The following NRXN2 variants were observed in gnomAD, a reference collection of about 807,000 sequenced individuals.
NRXN2 encodes neurexin-2-beta.
NRXN2 carries 29 observed loss-of-function variants against 128.8 expected under a neutral mutation model. The ratio of observed to expected loss-of-function variants is 0.23; its 90% CI spans 0.17 to 0.31. The LOEUF (loss-of-function observed/expected upper bound fraction) is 0.31. Among genes scored for constraint, NRXN2 ranks in the 10% least tolerant of loss-of-function variants. The pLI, the probability that NRXN2 is intolerant of heterozygous loss-of-function variation, is 1.00. For synonymous variants in NRXN2, 1,098 were observed against 1,075.2 expected (o/e 1.02, Z -0.41); for missense variants, 1,881 against 2,452.6 (o/e 0.77, Z 4.92).
rs145840761 is a variant in NRXN2, at chr11:64,626,509, G to A, written c.3801C>T (p.Ile1267=). Residue 1267 remains isoleucine (I), a synonymous_variant, in exon 20 of 23, where the codon ATC becomes ATT. Transcript: ENST00000265459. ...CTACTACTCGACCAAGCCGGTAGGG[G>A]ATTCTCTGTCTAGCAATCGCCAGGC... is the stretch of plus-strand genomic sequence containing the variant. The part of the protein sequence containing the change: ...NERLAIARQR[I]PYRLGRVVDE... The A allele has an allele frequency of 3.7e-6, 6 of 1,614,136 alleles. No homozygotes were observed. Among genetic ancestry groups the A allele is most frequent in the East Asian group, 4.5e-5 (2 of 44,890 alleles).
At chr11:64,646,911 T>G (rs1200838736) in intron 17 of NRXN2, among the ~76,000 whole-genome samples, 1 of 152,050 alleles carries the variant, frequency 6.6e-6, no homozygotes, top group Non-Finnish European at 1.5e-5. Context: ...AGTGGAGATG[T>G]GGTGGTACCC....
intron 4 of NRXN2, among the ~76,000 whole-genome samples, chr11:64,692,536 G>A (rs1229272911): frequency 6.6e-6 from 1 of 152,212 alleles, no homozygotes; most frequent in African/African-American, 2.4e-5. Flanking sequence ...AAAAAAGGGT[G>A]ACTGGAGACA....
intron 5 of NRXN2, among the ~76,000 whole-genome samples, chr11:64,687,001 C>T (rs185328872): frequency 7.0e-4 from 106 of 152,192 alleles, no homozygotes; most frequent in Non-Finnish European, 1.2e-3. Flanking sequence ...AGAAGAGAAC[C>T]GGATATGAAG....
At chr11:64,639,435 T>C (rs1462763223) in intron 17 of NRXN2, among the ~76,000 whole-genome samples, 1 of 152,158 alleles carries the variant, frequency 6.6e-6, no homozygotes, top group Non-Finnish European at 1.5e-5. Context: ...TGGAAGCTAC[T>C]GACTCAGAAA....
chr11:64,630,425 G>C lies in NRXN2; in HGVS notation c.3734C>G (p.Pro1245Arg). 1 of 1,611,986 alleles carries C rather than the reference G, an allele frequency of 6.2e-7. No individual in the cohort carries two copies. Among genetic ancestry groups the C allele is most frequent in the Non-Finnish European group, 8.5e-7 (1 of 1,179,208 alleles). The change falls in exon 19 of 23, where the codon CCG (proline) becomes CGG (arginine). Residue 1245 changes from proline (P) to arginine (R), a missense_variant. Physicochemically the swap from Pro to Arg is moderately radical, Grantham distance 103. Transcript: ENST00000265459. The surrounding 1 kb of genome is among the most constrained non-coding windows in gnomAD (Gnocchi z 4.6). ...ACCTGCCGGGTACCGCTCGTTGACC[G>C]GCCAGCTGTCCACCTGCAGGGTGGC... ...GNATLQVDSWPVNERYPAGNF... is the reference protein window; with the variant it reads ...GNATLQVDSWRVNERYPAGNF...
At chr11:64,691,583 T>C (rs2053807930) in intron 4 of NRXN2, among the ~76,000 whole-genome samples, 1 of 152,202 alleles carries the variant, frequency 6.6e-6, no homozygotes, top group African/African-American at 2.4e-5. Flanking sequence ...GCTGTGGAAC[T>C]TTCCAGGGGG....
chr11:64,710,742 A>G (rs906443949), intron 2 of NRXN2, among the ~76,000 whole-genome samples: 2 of 152,122 alleles, frequency 1.3e-5, no homozygotes, highest in African/African-American at 2.4e-5. Flanking sequence ...CTCACGTTAA[A>G]ACACAAGCAC....
chr11:64,628,992 G>A (rs569757602), intron 19 of NRXN2, among the ~76,000 whole-genome samples: 2 of 152,146 alleles, frequency 1.3e-5, no homozygotes, highest in South Asian at 4.1e-4. Flanking sequence ...TATGTATTAG[G>A]GGGCCACGCA....
In NRXN2 at chr11:64,623,284, G is replaced by A; in HGVS notation, c.3848-206C>T. 1.1e-6 allele frequency: 1 copy of A among 905,526 alleles called. No homozygotes were observed. The highest frequency in any genetic ancestry group is 1.8e-5 in the South Asian group (1 of 55,334). The allele number at this position is 905,526 out of a possible 1,614,324, so 56.1% of individuals were successfully genotyped here. On this transcript the variant is annotated intron_variant, in intron 20 of 22. Coordinates refer to ENST00000265459, the MANE Select transcript of NRXN2 (RefSeq NM_015080.4). This position sits in a 1 kb window ranked among gnomAD's most constrained non-coding sequence, Gnocchi z 4.9. ...GCCACAGCCCCTAGCCCAGCCAGGT[G>A]GGGACCCCAGAAGGGGAGGGCACCC...
rs1480042739 is a variant in NRXN2, at chr11:64,622,975, C to T, written c.3951G>A (p.Gly1317=). 4 of 1,613,222 alleles carry T rather than the reference C, an allele frequency of 2.5e-6. No homozygotes were observed. The highest frequency in any genetic ancestry group is 2.2e-5 in the East Asian group (1 of 44,882). ...QGQVSGLYYN[G]LKVLALAAES... is the part of the protein sequence containing the mutation. ...CGGCGGCCAGCGCCAGCACCTTGAG[C>T]CCATTGTAGTAGAGGCCGGACACCT... Residue 1317 remains glycine (G), a synonymous_variant, in exon 21 of 23, where the codon GGG becomes GGA. Coordinates refer to ENST00000265459, the MANE Select transcript of NRXN2 (RefSeq NM_015080.4). The surrounding 1 kb of genome is among the most constrained non-coding windows in gnomAD (Gnocchi z 4.3).
intron 2 of NRXN2, among the ~76,000 whole-genome samples, chr11:64,697,995 T>C (rs1327343709): frequency 6.6e-6 from 1 of 152,142 alleles, no homozygotes; most frequent in Non-Finnish European, 1.5e-5. Flanking sequence ...AGCTGCTCCC[T>C]GAGTCAGAAC....
intron 3 of NRXN2, among the ~76,000 whole-genome samples, chr11:64,695,254 G>A (rs1450878383): frequency 6.6e-6 from 1 of 152,210 alleles, no homozygotes; most frequent in East Asian, 1.9e-4. Context: ...CTGGAAAAGA[G>A]ACTGGCAATG....
chr11:64,703,171 T>A (rs773869107), intron 2 of NRXN2, among the ~76,000 whole-genome samples: 3 of 152,196 alleles, frequency 2.0e-5, no homozygotes, highest in Non-Finnish European at 4.4e-5. Context: ...GACTTGACTG[T>A]GAAATATCCA....
chr11:64,650,032 G>A (rs747221294), intron 15 of NRXN2, among the ~76,000 whole-genome samples: 1 of 152,044 alleles, frequency 6.6e-6, no homozygotes, highest in Admixed American at 6.6e-5. Flanking sequence ...CAGGTGACTC[G>A]GGGACTCTAG....
At chr11:64,628,235 A>C (rs1461008557) in intron 19 of NRXN2, among the ~76,000 whole-genome samples, 1 of 152,148 alleles carries the variant, frequency 6.6e-6, no homozygotes, top group Non-Finnish European at 1.5e-5. Context: ...ACCTTTCCGA[A>C]GTGGAAACTG....
rs138972603 is a variant in NRXN2 at position 64,683,512 on chromosome 11, C to T, written c.1152+2134G>A. Reference sequence around the variant, plus strand: ...GCGGGCACCTGTAATCCCAGCTACGCGGGAGGCTGAGGTAGGAGAATCACT... The same window carrying T: ...GCGGGCACCTGTAATCCCAGCTACGTGGGAGGCTGAGGTAGGAGAATCACT... On this transcript the variant is annotated intron_variant, in intron 6 of 22. Transcript: ENST00000265459. 6.3e-3 allele frequency among the ~76,000 whole-genome samples: 957 copies of T among 150,976 alleles called. 3 individuals carry two copies. Among genetic ancestry groups the T allele is most frequent in the South Asian group, 0.013 (61 of 4,768 alleles).
At chr11:64,613,927 G>T (rs1254008624) in intron 22 of NRXN2, among the ~76,000 whole-genome samples, 1 of 152,154 alleles carries the variant, frequency 6.6e-6, no homozygotes, top group East Asian at 1.9e-4. Flanking sequence ...TGCCTGTGGA[G>T]TCTGGGCACT....
chr11:64,610,834 T>C (rs978189748), intron 22 of NRXN2, among the ~76,000 whole-genome samples: 3 of 152,012 alleles, frequency 2.0e-5, no homozygotes, highest in Non-Finnish European at 4.4e-5. Flanking sequence ...CATGGCAGGG[T>C]TCCCCTCCCT....
chr11:64,658,790 G>T (rs1207481160), intron 11 of NRXN2, among the ~76,000 whole-genome samples: 1 of 152,228 alleles, frequency 6.6e-6, no homozygotes, highest in Non-Finnish European at 1.5e-5. Flanking sequence ...ACTTTGGGAG[G>T]CCGAGGCGGG....
Sources: allele counts gnomAD v4.1 joint callset (sites outside exome capture counted in the v4.1 genomes callset), GRCh38; gene constraint gnomAD v4.1.1; non-coding constraint Gnocchi (gnomAD v3.1); transcripts MANE v1.5; gene names NCBI Gene and HGNC (gene_info 2026-07-23, HGNC 2026-07-21).